Variants in RAB4B observed in about 807,000 individuals in gnomAD.
RAB4B encodes RAB4B, member RAS oncogene family, also known as ras-related protein Rab-4B.
RAB4B carries 15 observed loss-of-function variants against 28.3 expected under a neutral mutation model. The ratio of observed to expected loss-of-function variants is 0.53; its 90% CI spans 0.35 to 0.82. The LOEUF is 0.82. RAB4B is among the 40% of genes least tolerant of loss of function. The probability of loss-of-function intolerance (pLI) is 0.01; values close to 1 mark genes in which losing one functional copy is unlikely to be tolerated. For synonymous variants in RAB4B, 108 were observed against 116.3 expected (o/e 0.93, Z 0.46); for missense variants, 244 against 288.5 (o/e 0.85, Z 1.12).
At position 40,786,995 on chromosome 19, in the gene RAB4B, T is replaced by C. The variant is rs752575184; in HGVS notation, c.*15+17T>C. 3 of 1,604,666 alleles carry C rather than the reference T, an allele frequency of 1.9e-6. No individual in the cohort carries two copies. Among genetic ancestry groups the C allele is most frequent in the Non-Finnish European group, 2.6e-6 (3 of 1,173,062 alleles). On this transcript the variant is annotated intron_variant, in intron 7 of 7. Coordinates refer to ENST00000357052, the MANE Select transcript of RAB4B (RefSeq NM_016154.5). ...TGGAGCCAGGTGGGACACTGGGGGC[T>C]TTAGGGAGGCAGGGCGGCCTCTTGG... is the stretch of plus-strand genomic sequence containing the variant.
rs545259797 is a variant in RAB4B at position 40,791,151 on chromosome 19, G to A, written c.*15+4173G>A. The stretch of plus-strand genomic sequence containing the variant: ...ATGACAGGCGTGAGACATTGCGCCC[G>A]GCCAATTTTTGTATTTTTAATACAG... On this transcript the variant is annotated intron_variant, in intron 7 of 7. Transcript: ENST00000357052. Among the ~76,000 whole-genome samples the A allele has an allele frequency of 3.3e-5, 5 of 151,920 alleles. No homozygotes were observed. In the South Asian group the frequency reaches 6.2e-4, roughly 19 times the overall value.
At chr19:40,792,399 T>C (rs906270858) in intron 7 of RAB4B, 1 of 152,260 alleles carries the variant, frequency 6.6e-6, no homozygotes, top group Non-Finnish European at 1.5e-5. Context: ...TTCTTATCCA[T>C]CTTTGGGCTG....
intron 7 of RAB4B, among the ~76,000 whole-genome samples, chr19:40,788,205 GAT>G (rs2083121081): frequency 6.6e-6 from 1 of 152,088 alleles, no homozygotes; most frequent in South Asian, 2.1e-4. Context: ...ATAAACAAGA[GAT>G]GTAAGTCGAC....
rs771325431 is a variant in RAB4B, at chr19:40,779,994, C to T, written c.17-25C>T. ...GTATCTTTCTCTCCCTGTGGGTATC[C>T]CTGATTTTGGCTCCATCTGGTCAGA... On this transcript the variant is annotated intron_variant, in intron 1 of 7. Transcript: ENST00000357052. The T allele has an allele frequency of 3.1e-6, 5 of 1,610,972 alleles. No homozygotes were observed. In the African/African-American group the frequency reaches 5.3e-5, roughly 17 times the overall value.
chr19:40,781,679 A>G (rs143099030), intron 3 of RAB4B, among the ~76,000 whole-genome samples: 174 of 152,258 alleles, frequency 1.1e-3, no homozygotes, highest in African/African-American at 4.0e-3. Context: ...AACACACTGT[A>G]GGTCTTCAGG....
At chr19:40,782,037 A>AAAC (rs1283278904) in intron 3 of RAB4B, among the ~76,000 whole-genome samples, 19 of 140,272 alleles carry the variant, frequency 1.4e-4, no homozygotes, top group Non-Finnish European at 6.4e-5. Flanking sequence ...AAAAAAAAAA[A>AAAC]AACCTTAGGA....
intron 3 of RAB4B, among the ~76,000 whole-genome samples, chr19:40,781,378 A>G (rs1043101313): frequency 6.6e-6 from 1 of 152,120 alleles, no homozygotes; most frequent in African/African-American, 2.4e-5. Context: ...AACAGAGGTC[A>G]GAGGCAGAGA....
intron 5 of RAB4B, among the ~76,000 whole-genome samples, chr19:40,784,955 C>T (rs574037396): frequency 2.8e-4 from 43 of 151,628 alleles, no homozygotes; most frequent in African/African-American, 9.4e-4. Flanking sequence ...GCTGGGACTA[C>T]AGGTGTGCGC....
chr19:40,780,179 G>A (rs2083033405), intron 2 of RAB4B, 80 bp downstream of exon 2: 3 of 1,576,910 alleles, frequency 1.9e-6, no homozygotes, highest in Middle Eastern at 1.7e-4. Flanking sequence ...CCGGTGGGGA[G>A]GGCAGGGCTG....
chr19:40,780,607 CAG>C (rs745986531), intron 3 of RAB4B, 108 bp downstream of exon 3: 6 of 882,170 alleles, frequency 6.8e-6, no homozygotes, highest in Non-Finnish European at 7.2e-6. Flanking sequence ...ACAAGGCAGA[CAG>C]AGAGAGATGA....
At chr19:40,783,167 AAAAAAG>A (rs869169182) in intron 3 of RAB4B, among the ~76,000 whole-genome samples, 4,696 of 145,518 alleles carry the variant, frequency 0.032, 106 homozygotes, top group East Asian at 0.077. Context: ...AAAAAAAAAA[AAAAAAG>A]AAAAAGGAAA....
Position 40,786,705 on chromosome 19 carries a change from C to G in RAB4B, c.471C>G (p.Asn157Lys). 1.2e-6 allele frequency: 2 copies of G among 1,614,094 alleles called. No individual in the cohort carries two copies. Among genetic ancestry groups the G allele is most frequent in the Non-Finnish European group, 1.7e-6 (2 of 1,179,982 alleles). The change falls in exon 6 of 8, where the codon AAC becomes AAG. Residue 157 changes from asparagine to lysine, a missense_variant. Physicochemically the swap from Asn to Lys is moderately conservative, Grantham distance 94. Transcript: ENST00000357052. ...AGACCAGCGCTCTCACAGGCGAGAA[C>G]GTGGAGGAGGCGTTCCTCAAGTGTG... ...FLETSALTGE[N>K]VEEAFLKCAR...
rs1377592404 is a variant in RAB4B at position 40,783,801 on chromosome 19, G to A, written c.236G>A (p.Arg79Gln). ...AGGTCAGTGACGCGGAGTTATTACCGAGGGGCGGCTGGAGCCCTGCTGGTG... is the reference window on the plus strand; with the variant it reads ...AGGTCAGTGACGCGGAGTTATTACCAAGGGGCGGCTGGAGCCCTGCTGGTG... ...RFRSVTRSYY[R>Q]GAAGALLVYD... The change falls in exon 4 of 8, where the codon CGA (arginine) becomes CAA (glutamine). Residue 79 changes from arginine (R) to glutamine (Q), a missense_variant. Coordinates refer to ENST00000357052, the MANE Select transcript of RAB4B (RefSeq NM_016154.5). 3.2e-5 allele frequency: 51 copies of A among 1,579,264 alleles called. No individual in the cohort carries two copies. Among genetic ancestry groups the A allele is most frequent in the Non-Finnish European group, 4.0e-5 (46 of 1,160,086 alleles).
At chr19:40,794,997 C>CAA (rs59417778) in intron 7 of RAB4B, among the ~76,000 whole-genome samples, 20,764 of 99,618 alleles carry the variant, frequency 0.21, 2,589 homozygotes, top group African/African-American at 0.41. Context: ...ACTAAAAATA[C>CAA]AAAAAAAAAA....
At chr19:40,781,975 C>T (rs968590995) in intron 3 of RAB4B, among the ~76,000 whole-genome samples, 6 of 145,546 alleles carry the variant, frequency 4.1e-5, no homozygotes, top group Non-Finnish European at 5.9e-5. Flanking sequence ...GAGCCCAGAT[C>T]GCGCCACTGC....
At chr19:40,793,142 C>A (rs554733794) in intron 7 of RAB4B, among the ~76,000 whole-genome samples, 1 of 152,066 alleles carries the variant, frequency 6.6e-6, no homozygotes, top group Non-Finnish European at 1.5e-5. Context: ...TACCTTTGTA[C>A]CCATATTTAT....
At position 40,793,875 on chromosome 19, in the gene RAB4B, G is replaced by T. The variant is rs552926626; in HGVS notation, c.*16-2695G>T. ...GGAATCAGAGGTTTTAGTGAGCCGA[G>T]ATCGCACCACTGCACTCCAGCCTGG... On this transcript the variant is annotated intron_variant, in intron 7 of 7. Coordinates refer to ENST00000357052, the MANE Select transcript of RAB4B (RefSeq NM_016154.5). Among the ~76,000 whole-genome samples the T allele has an allele frequency of 2.0e-5, 3 of 151,682 alleles. No individual in the cohort carries two copies. In the East Asian group the frequency reaches 5.9e-4, roughly 30 times the overall value.
chr19:40,781,471 G>T (rs998031957), intron 3 of RAB4B, among the ~76,000 whole-genome samples: 1 of 151,918 alleles, frequency 6.6e-6, no homozygotes. Flanking sequence ...GGGTGAGCAT[G>T]AGAGCCACAG....
chr19:40,779,758 C>A, intron 1 of RAB4B: 3 of 837,366 alleles, frequency 3.6e-6, no homozygotes, highest in Non-Finnish European at 3.2e-6. Context: ...AAAACAAAAA[C>A]AACGACAAAA....
Sources: allele counts gnomAD v4.1 joint callset (sites outside exome capture counted in the v4.1 genomes callset), GRCh38; gene constraint gnomAD v4.1.1; transcripts MANE v1.5; gene names NCBI Gene and HGNC (gene_info 2026-07-23, HGNC 2026-07-21).